CDH22: variants seen among roughly 807,000 people sequenced by gnomAD.
CDH22 encodes the protein cadherin 22, also known as cadherin-22.
Under a neutral mutation model 58.4 loss-of-function variants are expected in CDH22, and 30 were observed. The ratio of observed to expected loss-of-function variants is 0.51; its 90% CI spans 0.38 to 0.70. The LOEUF is 0.70. Among genes scored for constraint, CDH22 ranks in the 30% least tolerant of loss-of-function variants. The pLI is 0.00. For missense variants in CDH22, 1,014 were observed against 1,233.9 expected (o/e 0.82, Z 2.67); for synonymous variants, 513 against 558.2 (o/e 0.92, Z 1.14).
intron 4 of CDH22, 104 bp downstream of exon 4, chr20:46,227,404 T>G: frequency 7.8e-6 from 9 of 1,159,472 alleles, no homozygotes; most frequent in Non-Finnish European, 1.1e-5. Context: ...TCCTCAGAGC[T>G]TCTGGGACAG....
chr20:46,268,520 C>T (rs117791941), intron 1 of CDH22, among the ~76,000 whole-genome samples: 2 of 152,248 alleles, frequency 1.3e-5, no homozygotes, highest in African/African-American at 4.8e-5. Context: ...CCATTCCCAC[C>T]CCACACACGG....
rs772232895 is a variant in CDH22 at position 46,241,062 on chromosome 20, C to T, written c.451G>A (p.Glu151Lys). 3.1e-6 allele frequency: 5 copies of T among 1,614,148 alleles called. No homozygotes were observed. Among genetic ancestry groups the T allele is most frequent in the Non-Finnish European group, 4.2e-6 (5 of 1,180,026 alleles). The change falls in exon 3 of 12, where the codon GAG becomes AAG. Residue 151 changes from glutamate (E) to lysine (K), a missense_variant. Glu to Lys is a moderately conservative substitution (Grantham distance 56, BLOSUM62 1). Coordinates refer to ENST00000537909, the MANE Select transcript of CDH22 (RefSeq NM_021248.3). This position sits in a 1 kb window ranked among gnomAD's most constrained non-coding sequence, Gnocchi z 5.2. ...TGCACCTTGATGATGAACTCCGACT[C>T]GGGCTCCAGTAGGCGGTTGGTGGCG... ...DRATNRLLEP[E>K]SEFIIKVQDI...
chr20:46,237,658 T>A (rs916656787), intron 3 of CDH22, among the ~76,000 whole-genome samples: 2 of 152,178 alleles, frequency 1.3e-5, no homozygotes, highest in Admixed American at 1.3e-4. Flanking sequence ...TCCCGACATT[T>A]TTCCTGAGTG....
intron 1 of CDH22, among the ~76,000 whole-genome samples, chr20:46,285,238 G>A (rs555855487): frequency 3.3e-5 from 5 of 152,360 alleles, no homozygotes; most frequent in African/African-American, 1.2e-4. Context: ...TTCTCGAACA[G>A]GCCAAATGGG....
chr20:46,191,595 T>A (rs2085862376), intron 8 of CDH22, among the ~76,000 whole-genome samples: 2 of 152,212 alleles, frequency 1.3e-5, no homozygotes, highest in Non-Finnish European at 1.5e-5. Flanking sequence ...TCAACCACGG[T>A]GGGAGGCAGG....
chr20:46,257,800 G>A (rs942398709), intron 1 of CDH22, among the ~76,000 whole-genome samples: 1 of 152,200 alleles, frequency 6.6e-6, no homozygotes, highest in Non-Finnish European at 1.5e-5. Flanking sequence ...ACCAGGGAGT[G>A]ACTGTTGATG....
At chr20:46,219,245 C>T (rs951148663) in intron 4 of CDH22, among the ~76,000 whole-genome samples, 2 of 152,162 alleles carry the variant, frequency 1.3e-5, no homozygotes, top group Non-Finnish European at 2.9e-5. Flanking sequence ...TAGGCCCCCT[C>T]CTGACCCCTT....
At chr20:46,226,039 T>A (rs2086168546) in intron 4 of CDH22, among the ~76,000 whole-genome samples, 1 of 152,038 alleles carries the variant, frequency 6.6e-6, no homozygotes, top group Non-Finnish European at 1.5e-5. Context: ...TCCAAGCTCC[T>A]TAGCCTGGCT....
At chr20:46,269,008 T>A (rs1161276906) in intron 1 of CDH22, among the ~76,000 whole-genome samples, 2 of 152,174 alleles carry the variant, frequency 1.3e-5, no homozygotes, top group Non-Finnish European at 2.9e-5. Flanking sequence ...GGGAAATCAC[T>A]CCTCTCTGGC....
chr20:46,268,935 G>A (rs1446024621), intron 1 of CDH22, among the ~76,000 whole-genome samples: 1 of 152,210 alleles, frequency 6.6e-6, no homozygotes, highest in Non-Finnish European at 1.5e-5. Flanking sequence ...TTCCCCAGCT[G>A]CTGCTTTTGG....
At chr20:46,256,352 T>A (rs1193082675) in intron 1 of CDH22, among the ~76,000 whole-genome samples, 1 of 152,190 alleles carries the variant, frequency 6.6e-6, no homozygotes, top group Admixed American at 6.5e-5. Flanking sequence ...TTACAAATAC[T>A]CATTTAAACA....
chr20:46,227,442 T>C (rs1014264234), intron 4 of CDH22, 66 bp downstream of exon 4: 4 of 1,405,878 alleles, frequency 2.8e-6, no homozygotes, highest in East Asian at 5.0e-5. Context: ...TCTGGGGTGG[T>C]CCTCGTCCCG....
At chr20:46,197,429 G>A (rs943453256) in intron 8 of CDH22, among the ~76,000 whole-genome samples, 1 of 152,144 alleles carries the variant, frequency 6.6e-6, no homozygotes, top group African/African-American at 2.4e-5. Context: ...GCTGCTTTCT[G>A]AAAGAGACCC....
At chr20:46,242,783 T>C (rs909428332) in intron 2 of CDH22, among the ~76,000 whole-genome samples, 2 of 152,226 alleles carry the variant, frequency 1.3e-5, no homozygotes, top group African/African-American at 2.4e-5. Context: ...AAATAAGCCC[T>C]GTCTGAGACA....
intron 3 of CDH22, among the ~76,000 whole-genome samples, chr20:46,239,330 A>T (rs1417865557): frequency 6.6e-6 from 1 of 152,234 alleles, no homozygotes; most frequent in African/African-American, 2.4e-5. Flanking sequence ...GTGTGTGCAC[A>T]TCTGCATATA....
chr20:46,292,431 T>C (rs1230826449), intron 1 of CDH22, among the ~76,000 whole-genome samples: 1 of 152,188 alleles, frequency 6.6e-6, no homozygotes, highest in Non-Finnish European at 1.5e-5. Flanking sequence ...GCCACACCCA[T>C]ACTGTGGGAC....
At chr20:46,208,903 C>T (rs1426590213) in intron 7 of CDH22, among the ~76,000 whole-genome samples, 3 of 152,218 alleles carry the variant, frequency 2.0e-5, no homozygotes, top group Non-Finnish European at 4.4e-5. Flanking sequence ...TCTATTTTTA[C>T]ATATCATTAA....
Position 46,218,845 on chromosome 20 carries a change from G to A in CDH22, c.671-1852C>T, listed in dbSNP as rs190412993. Among the ~76,000 whole-genome samples, 482 of 152,178 alleles carry A rather than the reference G, an allele frequency of 3.2e-3. 2 individuals are homozygous for A. Among genetic ancestry groups the A allele is most frequent in the Non-Finnish European group, 5.6e-3 (382 of 68,006 alleles). ...GAGACAAGGGTAGGGCGGGGGAGTC[G>A]ATGAGGCATTCAGAGCCTCTCCCAC... is the stretch of plus-strand genomic sequence containing the variant. On this transcript the variant is annotated intron_variant, in intron 4 of 11. Coordinates refer to ENST00000537909, the MANE Select transcript of CDH22 (RefSeq NM_021248.3).
intron 4 of CDH22, among the ~76,000 whole-genome samples, chr20:46,221,367 TACTC>T (rs2086124436): frequency 6.6e-6 from 1 of 151,232 alleles, no homozygotes; most frequent in South Asian, 2.1e-4. Context: ...TGTCTGGGCT[TACTC>T]ACGCATCTGA....
Sources: allele counts gnomAD v4.1 joint callset (sites outside exome capture counted in the v4.1 genomes callset), GRCh38; gene constraint gnomAD v4.1.1; non-coding constraint Gnocchi (gnomAD v3.1); transcripts MANE v1.5; gene names NCBI Gene and HGNC (gene_info 2026-07-23, HGNC 2026-07-21).